Variants in BNIP3 observed in about 807,000 individuals in gnomAD.
BNIP3 encodes BCL2 interacting protein 3.
A neutral mutation model predicts 23.9 loss-of-function variants in BNIP3; 16 were observed. The ratio of observed to expected loss-of-function variants is 0.67; its 90% CI spans 0.45 to 1.01. BNIP3 has a LOEUF of 1.01. BNIP3 is among the 50% of genes least tolerant of loss of function. BNIP3 has a pLI of 0.00. For synonymous variants in BNIP3, 81 were observed against 89.3 expected (o/e 0.91, Z 0.53); for missense variants, 198 against 248.7 (o/e 0.80, Z 1.37).
At chr10:131,972,319 A>T (rs1463245366) in intron 3 of BNIP3, among the ~76,000 whole-genome samples, 3 of 152,132 alleles carry the variant, frequency 2.0e-5, no homozygotes, top group Admixed American at 6.5e-5. Flanking sequence ...TTTTGGGAGG[A>T]TCACTTGAGC....
At position 131,976,099 on chromosome 10, in the gene BNIP3, G is replaced by A. The variant is rs1200279556; in HGVS notation, c.47-2156C>T. ...AGATGCCATGCGGCCGGCTAGCCAT[G>A]GCCTGCCCCTGAGAGAACGGCACCA... On this transcript the variant is annotated intron_variant, in intron 1 of 5. Coordinates refer to ENST00000368636, the MANE Select transcript of BNIP3 (RefSeq NM_004052.4). This position sits in a 1 kb window ranked among gnomAD's most constrained non-coding sequence, Gnocchi z 4.3. Among the ~76,000 whole-genome samples, 6 of 152,206 alleles carry A rather than the reference G, an allele frequency of 3.9e-5. No individual in the cohort carries two copies. Among genetic ancestry groups the A allele is most frequent in the African/African-American group, 1.4e-4 (6 of 41,442 alleles).
intron 1 of BNIP3, 36 bp downstream of exon 1, chr10:131,981,725 G>T: frequency 6.9e-7 from 1 of 1,451,486 alleles, no homozygotes. Context: ...TCCCCCCCGC[G>T]CCCCCTCGGC....
intron 5 of BNIP3, chr10:131,969,570 G>GT (rs2037004485): frequency 1.3e-5 from 2 of 152,294 alleles, no homozygotes; most frequent in African/African-American, 2.4e-5. Context: ...CACGGGCAGC[G>GT]CTCAGGTCCC....
intron 1 of BNIP3, among the ~76,000 whole-genome samples, chr10:131,981,499 T>C (rs2037118311): frequency 6.6e-6 from 1 of 152,198 alleles, no homozygotes; most frequent in African/African-American, 2.4e-5. Flanking sequence ...ATCGGGGCTT[T>C]CCCGTGCGGT....
chr10:131,980,353 C>A (rs2037110032), intron 1 of BNIP3: 1 of 152,092 alleles, frequency 6.6e-6, no homozygotes, highest in Non-Finnish European at 1.5e-5. Context: ...TATTTTATGA[C>A]AAAAGATAGG....
chr10:131,975,543 A>C (rs1330428326), intron 1 of BNIP3, among the ~76,000 whole-genome samples: 1 of 152,186 alleles, frequency 6.6e-6, no homozygotes, highest in Non-Finnish European at 1.5e-5. Context: ...CCATGCAATT[A>C]GGGGGAAAGG....
In BNIP3 at chr10:131,975,092, ATATTC is replaced by A. The variant is rs1332445330; in HGVS notation, c.47-1154_47-1150del. On this transcript the variant is annotated intron_variant, in intron 1 of 5. Coordinates refer to ENST00000368636, the MANE Select transcript of BNIP3 (RefSeq NM_004052.4). The stretch of plus-strand genomic sequence containing the variant: ...TGCAGCAATCCCTTCCTGAGCTGAG[ATATTC>A]TATTCTATTATTTTCACACAGCTCT... Among the ~76,000 whole-genome samples the A allele has an allele frequency of 5.3e-4, 80 of 152,240 alleles. 1 individual carries two copies. The highest frequency in any genetic ancestry group is 8.8e-5 in the Non-Finnish European group (6 of 68,024).
At chr10:131,980,579 A>AT (rs2037111799) in intron 1 of BNIP3, 1 of 133,282 alleles carries the variant, frequency 7.5e-6, no homozygotes, top group Non-Finnish European at 1.6e-5. Flanking sequence ...CCCGTCTCTT[A>AT]AAAAAAAAAA....
chr10:131,968,373 T>C lies in BNIP3; in HGVS notation c.*151A>G. 1 of 642,560 alleles carries C rather than the reference T, an allele frequency of 1.6e-6. No homozygotes were observed. Among genetic ancestry groups the C allele is most frequent in the Non-Finnish European group, 2.7e-6 (1 of 372,852 alleles). The allele number at this position is 642,560 out of a possible 1,614,324, so 39.8% of individuals were successfully genotyped here. On this transcript the variant is annotated 3_prime_UTR_variant, in exon 6 of 6. Transcript: ENST00000368636. ...AGATCAACATGATTTTAGTGTCTATTCTTTTATTTTACTAAATTAGGAACG... is the reference window on the plus strand; with the variant it reads ...AGATCAACATGATTTTAGTGTCTATCCTTTTATTTTACTAAATTAGGAACG...
At chr10:131,969,515 C>T (rs1466114522) in intron 5 of BNIP3, 1 of 152,218 alleles carries the variant, frequency 6.6e-6, no homozygotes, top group Non-Finnish European at 1.5e-5. Context: ...AGAATGTGCC[C>T]AAGAGCTAGG....
At chr10:131,981,530 C>A (rs1027240977) in intron 1 of BNIP3, among the ~76,000 whole-genome samples, 52 of 152,334 alleles carry the variant, frequency 3.4e-4, no homozygotes, top group African/African-American at 1.2e-3. Flanking sequence ...TCCAAGCCAA[C>A]CCCCGCCCGA....
Position 131,970,465 on chromosome 10 carries a change from G to T in BNIP3, c.539+173C>A. ...GGCGCCTGTGCTGGGGCCTTTGGGG[G>T]CTGCAGGCTGGTGGTTTCTGGACCT... On this transcript the variant is annotated intron_variant, in intron 5 of 5. Coordinates refer to ENST00000368636, the MANE Select transcript of BNIP3 (RefSeq NM_004052.4). This position sits in a 1 kb window ranked among gnomAD's most constrained non-coding sequence, Gnocchi z 4.1. 1 of 948,998 alleles carries T rather than the reference G, an allele frequency of 1.1e-6. No individual in the cohort carries two copies. Among genetic ancestry groups the T allele is most frequent in the Non-Finnish European group, 1.5e-6 (1 of 654,992 alleles). The allele number at this position is 948,998 out of a possible 1,614,324, so 58.8% of individuals were successfully genotyped here.
intron 1 of BNIP3, among the ~76,000 whole-genome samples, chr10:131,977,547 T>C (rs1169029487): frequency 2.0e-5 from 3 of 152,154 alleles, no homozygotes; most frequent in East Asian, 1.9e-4. Context: ...ACATCTGGTG[T>C]CGGCTGAGGG....
At chr10:131,981,168 T>G in intron 1 of BNIP3, 1 of 152,432 alleles carries the variant, frequency 6.6e-6, no homozygotes, top group African/African-American at 2.4e-5. Context: ...CCGTAAGTCA[T>G]TTAAAGCTTT....
Position 131,970,159 on chromosome 10 carries a change from CAA to C in BNIP3, c.539+477_539+478del, listed in dbSNP as rs200618028. 617 of 161,244 alleles carry C rather than the reference CAA, an allele frequency of 3.8e-3. 5 individuals carry two copies. The highest frequency in any genetic ancestry group is 0.014 in the African/African-American group (581 of 41,670). 10.0% of individuals were successfully genotyped at this position (161,244 alleles called of 1,614,324 possible). A position where few individuals can be genotyped will look rare whatever the true frequency, so the allele number is the denominator to read the frequency against. ...ACGCCCCTGCACTCAGCCTGGGCAA[CAA>C]GAGCGAAACTCAAGCCAGTAAAGTC... On this transcript the variant is annotated intron_variant, in intron 5 of 5. Coordinates refer to ENST00000368636, the MANE Select transcript of BNIP3 (RefSeq NM_004052.4). This position sits in a 1 kb window ranked among gnomAD's most constrained non-coding sequence, Gnocchi z 4.1.
chr10:131,975,941 C>T (rs913895479), intron 1 of BNIP3, among the ~76,000 whole-genome samples: 17 of 152,240 alleles, frequency 1.1e-4, no homozygotes, highest in African/African-American at 4.1e-4. Flanking sequence ...CAGTCTGCCC[C>T]ACACTCTGGC....
At position 131,973,009 on chromosome 10, in the gene BNIP3, A is replaced by G. The variant is rs530430555; in HGVS notation, c.282+25T>C. 1.1e-4 allele frequency: 176 copies of G among 1,595,878 alleles called. 1 individual carries two copies. The South Asian group carries it at 1.8e-3, about 17-fold the overall frequency. On this transcript the variant is annotated intron_variant, in intron 3 of 5. Transcript: ENST00000368636. ...CAAACAGATCACAAATACTTTTACA[A>G]CTGCACATTCTCCTTCCAGCTTACC...
intron 5 of BNIP3, 83 bp from the exon 6 acceptor site, chr10:131,968,652 T>C: frequency 7.9e-7 from 1 of 1,259,064 alleles, no homozygotes; most frequent in Non-Finnish European, 1.2e-6. Context: ...TAGCTCACTG[T>C]GGTTAGAGCT....
At chr10:131,975,617 C>G (rs574818816) in intron 1 of BNIP3, among the ~76,000 whole-genome samples, 1 of 152,134 alleles carries the variant, frequency 6.6e-6, no homozygotes, top group African/African-American at 2.4e-5. Flanking sequence ...TCCACACACA[C>G]GAGGCATCTC....
Sources: allele counts gnomAD v4.1 joint callset (sites outside exome capture counted in the v4.1 genomes callset), GRCh38; gene constraint gnomAD v4.1.1; non-coding constraint Gnocchi (gnomAD v3.1); transcripts MANE v1.5; gene names NCBI Gene and HGNC (gene_info 2026-07-23, HGNC 2026-07-21).